Variants in LTBP1 observed in about 807,000 individuals in gnomAD.
LTBP1 encodes latent-transforming growth factor beta-binding protein 1.
LTBP1 carries 129 observed loss-of-function variants against 207.6 expected under a neutral mutation model. That is an observed-to-expected ratio of 0.62 (90% CI 0.54 to 0.72). LTBP1 has a LOEUF of 0.72. Among genes scored for constraint, LTBP1 ranks in the 30% least tolerant of loss-of-function variants. The pLI is 0.00. For missense variants in LTBP1, 2,281 were observed against 2,217.2 expected, an observed-to-expected ratio of 1.03 and a Z score of -0.58; for synonymous variants, 963 against 833.7, an observed-to-expected ratio of 1.16 and a Z score of -2.67.
At chr2:33,050,082 G>T (rs1202535047) in intron 3 of LTBP1, among the ~76,000 whole-genome samples, 2 of 151,790 alleles carry the variant, frequency 1.3e-5, no homozygotes, top group African/African-American at 4.8e-5. Context: ...GGCCTCAAGC[G>T]ATCTTCCTGC....
chr2:32,948,279 CAG>C (rs2148176541), intron 1 of LTBP1, among the ~76,000 whole-genome samples: 1 of 152,348 alleles, frequency 6.6e-6, no homozygotes, highest in Admixed American at 6.5e-5. Flanking sequence ...TTTGCAGCAT[CAG>C]AGAAATCATG....
At chr2:33,132,039 G>A (rs2081836611) in intron 4 of LTBP1, among the ~76,000 whole-genome samples, 1 of 152,144 alleles carries the variant, frequency 6.6e-6, no homozygotes, top group Non-Finnish European at 1.5e-5. Flanking sequence ...GCAGCTGCTG[G>A]TGCTACAAGT....
chr2:33,018,426 C>T (rs531433213), intron 2 of LTBP1, among the ~76,000 whole-genome samples: 4 of 152,218 alleles, frequency 2.6e-5, no homozygotes, highest in African/African-American at 9.6e-5. Flanking sequence ...TAAAAAGAAA[C>T]ATGTTTCTAA....
chr2:33,309,641 C>T (rs2094151517), intron 23 of LTBP1, 85 bp downstream of exon 23: 1 of 1,461,888 alleles, frequency 6.8e-7, no homozygotes, highest in South Asian at 1.2e-5. Flanking sequence ...TGTGGTTTTG[C>T]CATGTGATTT....
intron 3 of LTBP1, 83 bp downstream of exon 3, chr2:33,021,289 C>T (rs2075153993): frequency 9.2e-6 from 12 of 1,306,432 alleles, no homozygotes; most frequent in South Asian, 6.4e-5. Context: ...TGTCCCTTTC[C>T]TGCACAATTT....
chr2:33,321,774 T>A (rs2094358091), intron 24 of LTBP1, among the ~76,000 whole-genome samples: 1 of 152,200 alleles, frequency 6.6e-6, no homozygotes, highest in Admixed American at 6.5e-5. Flanking sequence ...CTGAAAACTG[T>A]ACTAAGAGAT....
chr2:33,361,510 A>G lies in LTBP1; in HGVS notation c.4265A>G (p.Tyr1422Cys). ...ESSSEAGGENYKDADECLLFG... is the reference protein window; with the variant it reads ...ESSSEAGGENCKDADECLLFG... The stretch of plus-strand genomic sequence containing the variant: ...TCTTCTGAAGCTGGTGGTGAGAACT[A>G]TAAAGGTCAGAATCAAGTGGAAACA... The change falls in exon 28 of 34, where the codon TAT becomes TGT. Residue 1422 changes from tyrosine (Y) to cysteine (C), a missense_variant. Physicochemically the swap from Tyr to Cys is radical, Grantham distance 194. Transcript: ENST00000404816. The G allele has an allele frequency of 1.9e-6, 3 of 1,612,226 alleles. No homozygotes were observed. Among genetic ancestry groups the G allele is most frequent in the Non-Finnish European group, 1.7e-6 (2 of 1,178,808 alleles).
At chr2:32,953,886 A>G (rs961533615) in intron 2 of LTBP1, among the ~76,000 whole-genome samples, 2 of 152,194 alleles carry the variant, frequency 1.3e-5, no homozygotes, top group East Asian at 1.9e-4. Flanking sequence ...CTTCCTAGCA[A>G]TGAACAGAGG....
At chr2:33,247,659 C>T (rs1046643238) in intron 10 of LTBP1, among the ~76,000 whole-genome samples, 3 of 152,238 alleles carry the variant, frequency 2.0e-5, no homozygotes, top group African/African-American at 7.2e-5. Flanking sequence ...CTAATTAACA[C>T]TGTCCAATAG....
At chr2:33,299,018 G>A (rs2093933827) in intron 20 of LTBP1, among the ~76,000 whole-genome samples, 1 of 152,278 alleles carries the variant, frequency 6.6e-6, no homozygotes, top group African/African-American at 2.4e-5. Context: ...GCTAACGCCT[G>A]TAATCCTAGC....
chr2:33,329,059 C>G (rs2094463653), intron 24 of LTBP1, among the ~76,000 whole-genome samples: 10 of 152,112 alleles, frequency 6.6e-5, no homozygotes, highest in Admixed American at 6.6e-4. Context: ...ATTTCTGGGT[C>G]ATAAAATGTA....
rs979675996 is a variant in LTBP1 at position 33,186,704 on chromosome 2, A to C, written c.1202-152A>C. On this transcript the variant is annotated intron_variant, in intron 5 of 33. Transcript: ENST00000404816. ...GTCAGTAACGGAGACTACTTTTGGCATAGCGAGTTTACTCCTCTGTTTACC... is the reference window on the plus strand; with the variant it reads ...GTCAGTAACGGAGACTACTTTTGGCCTAGCGAGTTTACTCCTCTGTTTACC... The C allele has an allele frequency of 1.6e-5, 10 of 622,316 alleles. No individual in the cohort carries two copies. The African/African-American group carries it at 1.7e-4, about 10-fold the overall frequency. 38.5% of individuals were successfully genotyped at this position (622,316 alleles called of 1,614,324 possible).
At chr2:33,267,458 C>T (rs1390851324) in intron 15 of LTBP1, among the ~76,000 whole-genome samples, 1 of 152,116 alleles carries the variant, frequency 6.6e-6, no homozygotes, top group Non-Finnish European at 1.5e-5. Context: ...ATGGCCATGG[C>T]TAAAATTGTT....
chr2:32,990,119 C>T (rs906214718), intron 2 of LTBP1, among the ~76,000 whole-genome samples: 2 of 152,128 alleles, frequency 1.3e-5, no homozygotes, highest in Non-Finnish European at 2.9e-5. Flanking sequence ...AAAGGAATAG[C>T]GGCAACCAAG....
chr2:33,282,281 C>T (rs1479548856), intron 19 of LTBP1, among the ~76,000 whole-genome samples: 1 of 152,024 alleles, frequency 6.6e-6, no homozygotes, highest in East Asian at 1.9e-4. Flanking sequence ...AGGCAGTGTC[C>T]TTTATCTTTC....
rs10172632 is a variant in LTBP1, at chr2:33,258,736, A to G, written c.2396-852A>G. 2.6e-4 allele frequency among the ~76,000 whole-genome samples: 39 copies of G among 152,312 alleles called. No homozygotes were observed. In the East Asian group the frequency reaches 2.7e-3, roughly 11 times the overall value. ...AGGTTATTGACTTTCTCCAACCCCA[A>G]GAATATTGCAGCAATGATTTTACTT... On this transcript the variant is annotated intron_variant, in intron 12 of 33. Coordinates refer to ENST00000404816, the MANE Select transcript of LTBP1 (RefSeq NM_206943.4).
intron 3 of LTBP1, among the ~76,000 whole-genome samples, chr2:33,064,965 C>G (rs2077435417): frequency 6.6e-6 from 1 of 152,180 alleles, no homozygotes; most frequent in Admixed American, 6.5e-5. Context: ...CAGTGGTCAT[C>G]TTTGCCTTTT....
chr2:33,197,542 C>A (rs1573113315), intron 7 of LTBP1, among the ~76,000 whole-genome samples: 1 of 152,154 alleles, frequency 6.6e-6, no homozygotes, highest in East Asian at 1.9e-4. Flanking sequence ...TGAATATGTT[C>A]ATCTTTTTTA....
chr2:33,215,711 C>CTTTTTTTTTTTTTTTTTTTTT lies in LTBP1; in HGVS notation c.1702-1837_1702-1836insTTTTTTTTTTTTTTTTTTTTT, dbSNP rs201936680. On this transcript the variant is annotated intron_variant, in intron 7 of 33. Coordinates refer to ENST00000404816, the MANE Select transcript of LTBP1 (RefSeq NM_206943.4). ...TGGATGCTAAACTTCCATTGGTTTT[C>CTTTTTTTTTTTTTTTTTTTTT]TTTTGTTTTTTGTTTTTTTTTTTTG... 5.6e-5 allele frequency among the ~76,000 whole-genome samples: 7 copies of CTTTTTTTTTTTTTTTTTTTTT among 125,998 alleles called. 3 individuals carry two copies. The allele number at this position is 125,998 out of a possible 152,430, so 82.7% of individuals were successfully genotyped here. A position where few individuals can be genotyped will look rare whatever the true frequency, so the allele number is the denominator to read the frequency against.
Sources: allele counts gnomAD v4.1 joint callset (sites outside exome capture counted in the v4.1 genomes callset), GRCh38; gene constraint gnomAD v4.1.1; transcripts MANE v1.5; gene names NCBI Gene and HGNC (gene_info 2026-07-23, HGNC 2026-07-21).